Variants in FBLN2 observed in about 807,000 individuals in gnomAD.
FBLN2 encodes fibulin 2.
Under a neutral mutation model 123.7 loss-of-function variants are expected in FBLN2, and 81 were observed. The observed-to-expected ratio is 0.65, with a 90% confidence interval of 0.55 to 0.79. The LOEUF is 0.79. FBLN2 is among the 30% of genes least tolerant of loss of function. The pLI, the probability that FBLN2 is intolerant of heterozygous loss-of-function variation, is 0.00. For missense variants in FBLN2, 1,603 were observed against 1,681.3 expected (o/e 0.95, Z 0.81); for synonymous variants, 699 against 701.4 (o/e 1.00, Z 0.05).
intron 2 of FBLN2, among the ~76,000 whole-genome samples, chr3:13,581,783 T>C (rs2124841835): frequency 6.6e-6 from 1 of 152,292 alleles, no homozygotes; most frequent in South Asian, 2.1e-4. Flanking sequence ...GTTCCCATAG[T>C]GACCCTACAG....
chr3:13,619,955 A>G (rs1705789735), intron 8 of FBLN2, 124 bp downstream of exon 8: 1 of 668,534 alleles, frequency 1.5e-6, no homozygotes, highest in Non-Finnish European at 2.5e-6. Flanking sequence ...CTTGGCTGCT[A>G]TGATGAGCAC....
At position 13,617,729 on chromosome 3, in the gene FBLN2, A is replaced by AC. The variant is rs1183506141; in HGVS notation, c.1730-339dup. Among the ~76,000 whole-genome samples the AC allele has an allele frequency of 1.1e-3, 16 of 13,938 alleles. 1 individual carries two copies. The highest frequency in any genetic ancestry group is 6.5e-3 in the East Asian group (2 of 310). The allele number at this position is 13,938 out of a possible 152,430, so 9.1% of individuals were successfully genotyped here. A position where few individuals can be genotyped will look rare whatever the true frequency, so the allele number is the denominator to read the frequency against. Reference sequence around the variant, plus strand: ...CATCCATCCATCCATCCATTCATCCACCCCCCCCACCCCCCCACCCATTCA... The same window carrying AC: ...CATCCATCCATCCATCCATTCATCCACCCCCCCCCACCCCCCCACCCATTCA... On this transcript the variant is annotated intron_variant, in intron 5 of 17. Transcript: ENST00000404922.
intron 2 of FBLN2, among the ~76,000 whole-genome samples, chr3:13,603,001 C>T (rs1170681169): frequency 2.6e-5 from 4 of 151,572 alleles, no homozygotes; most frequent in African/African-American, 9.7e-5. Flanking sequence ...ACCTCCGCCT[C>T]CTGGGTTCAA....
Position 13,571,039 on chromosome 3 carries a change from C to A in FBLN2, c.684C>A (p.Pro228=). Residue 228 remains proline (P), a synonymous_variant, in exon 2 of 18, where the codon CCC becomes CCA. Transcript: ENST00000404922. ...CAGTCCAGGCAGGCGCAGGGGGCCCCCCAGCTGCTCTGGGAGGTGGGAGTC... is the reference window on the plus strand; with the variant it reads ...CAGTCCAGGCAGGCGCAGGGGGCCCACCAGCTGCTCTGGGAGGTGGGAGTC... The part of the protein sequence containing the change: ...AGAVQAGAGG[P]PAALGGGSQP... 2.5e-6 allele frequency: 4 copies of A among 1,569,082 alleles called. No homozygotes were observed. Among genetic ancestry groups the A allele is most frequent in the Non-Finnish European group, 2.6e-6 (3 of 1,157,956 alleles).
chr3:13,577,133 G>A (rs549353113), intron 2 of FBLN2, among the ~76,000 whole-genome samples: 2 of 150,980 alleles, frequency 1.3e-5, no homozygotes, highest in South Asian at 4.2e-4. Context: ...TGAGGCAGGA[G>A]AATCGCTTGA....
chr3:13,612,785 A>C (rs1705449924), intron 4 of FBLN2, among the ~76,000 whole-genome samples: 1 of 152,162 alleles, frequency 6.6e-6, no homozygotes, highest in African/African-American at 2.4e-5. Context: ...ACTAAGTGTT[A>C]AGTATGTGAT....
chr3:13,629,554 C>T (rs1389730160), intron 13 of FBLN2, among the ~76,000 whole-genome samples: 8 of 152,022 alleles, frequency 5.3e-5, no homozygotes, highest in African/African-American at 1.7e-4. Context: ...CTGCTTCCCT[C>T]GGTCTCTGTC....
intron 1 of FBLN2, among the ~76,000 whole-genome samples, chr3:13,557,963 G>A (rs992770466): frequency 3.3e-5 from 5 of 152,216 alleles, no homozygotes; most frequent in African/African-American, 1.2e-4. Context: ...TGCCTTGGGG[G>A]CCTCCAAGGC....
chr3:13,576,042 GC>G (rs982181355), intron 2 of FBLN2, among the ~76,000 whole-genome samples: 2 of 152,268 alleles, frequency 1.3e-5, no homozygotes, highest in African/African-American at 4.8e-5. Context: ...CCCACCGTAA[GC>G]AGGCTGGAAG....
In FBLN2 at chr3:13,626,460, TGACG is replaced by T. The variant is rs1443381638; in HGVS notation, c.2316_2319del (p.Asp773CysfsTer11). The stretch of plus-strand genomic sequence containing the variant: ...CTCCCTGCAGACATCAACGAGTGTG[TGACG>T]GACCTGCACACGTGCAGCCGGGGCG... On this transcript the variant is annotated frameshift_variant, in exon 10 of 18. Coordinates refer to ENST00000404922, the MANE Select transcript of FBLN2 (RefSeq NM_001004019.2). LOFTEE classifies it high-confidence loss of function. The T allele has an allele frequency of 3.2e-6, 5 of 1,584,236 alleles. No individual in the cohort carries two copies. Among genetic ancestry groups the T allele is most frequent in the Non-Finnish European group, 4.3e-6 (5 of 1,164,710 alleles).
At position 13,626,575 on chromosome 3, in the gene FBLN2, C is replaced by G; in HGVS notation, c.2427C>G (p.Cys809Trp). The G allele has an allele frequency of 6.5e-7, 1 of 1,545,748 alleles. No homozygotes were observed. The highest frequency in any genetic ancestry group is 8.7e-7 in the Non-Finnish European group (1 of 1,143,088). The change falls in exon 10 of 18, where the codon TGC becomes TGG. Residue 809 changes from cysteine (C) to tryptophan (W), a missense_variant. Cys to Trp is a radical substitution (Grantham distance 215). Coordinates refer to ENST00000404922, the MANE Select transcript of FBLN2 (RefSeq NM_001004019.2). ...EPGYALKDGE[C>W]EDVDECAMGT... ...GCTATGCCCTCAAGGATGGCGAGTG[C>G]GAAGGTGAGAAGGGCCCAGAAGGAC... is the stretch of plus-strand genomic sequence containing the variant.
intron 2 of FBLN2, among the ~76,000 whole-genome samples, chr3:13,599,509 G>T (rs571129352): frequency 9.9e-5 from 15 of 152,268 alleles, no homozygotes; most frequent in African/African-American, 3.4e-4. Context: ...GAGACCACGG[G>T]GGGTCATAGG....
intron 9 of FBLN2, among the ~76,000 whole-genome samples, chr3:13,622,263 C>A (rs1705880127): frequency 6.6e-6 from 1 of 152,196 alleles, no homozygotes; most frequent in African/African-American, 2.4e-5. Context: ...GGAGGCCTAG[C>A]CAAGCAGGAC....
In FBLN2 at chr3:13,609,598, T is replaced by C; in HGVS notation, c.1504T>C (p.Cys502Arg). ...GVLGAKEGET[C>R]GAEDNDSCGI... ...CCTGGGAGCCAAGGAGGGTGAGACC[T>C]GTGGGGCTGAGGACAACGACAGCTG... The change falls in exon 4 of 18, where the codon TGT becomes CGT. Residue 502 changes from cysteine (C) to arginine (R), a missense_variant. By Grantham distance (180) the Cys-to-Arg change is radical (BLOSUM62 -3). Transcript: ENST00000404922. 7.2e-7 allele frequency: 1 copy of C among 1,396,562 alleles called. No homozygotes were observed. Among genetic ancestry groups the C allele is most frequent in the Middle Eastern group, 2.3e-4 (1 of 4,338 alleles). 86.5% of individuals were successfully genotyped at this position (1,396,562 alleles called of 1,614,324 possible).
At chr3:13,569,161 G>C (rs1703840112) in intron 1 of FBLN2, 2 of 581,090 alleles carry the variant, frequency 3.4e-6, no homozygotes, top group Non-Finnish European at 4.3e-6. Flanking sequence ...CATGAGGACT[G>C]GTGAGAAGGT....
At chr3:13,571,897 G>A (rs975147382) in intron 2 of FBLN2, among the ~76,000 whole-genome samples, 2 of 152,156 alleles carry the variant, frequency 1.3e-5, no homozygotes, top group Admixed American at 6.5e-5. Context: ...TGTGGGAGGT[G>A]CTGGGCCCCC....
At chr3:13,621,671 G>A (rs968332920) in intron 8 of FBLN2, 104 bp from the exon 9 acceptor site, 11 of 1,295,078 alleles carry the variant, frequency 8.5e-6, no homozygotes, top group Non-Finnish European at 1.2e-5. Flanking sequence ...CCCCAGACAG[G>A]CCCCTGCCCC....
chr3:13,594,932 C>T (rs1248641150), intron 2 of FBLN2, among the ~76,000 whole-genome samples: 1 of 152,206 alleles, frequency 6.6e-6, no homozygotes, highest in Non-Finnish European at 1.5e-5. Flanking sequence ...CCGTTCCCTT[C>T]TTTCCTTTCT....
chr3:13,611,719 C>A (rs1053351018), intron 4 of FBLN2, among the ~76,000 whole-genome samples: 2 of 152,178 alleles, frequency 1.3e-5, no homozygotes, highest in Non-Finnish European at 1.5e-5. Context: ...TTGGCTATTG[C>A]GAATAGTAAT....
Sources: gnomAD v4.1 joint callset for allele counts (sites outside exome capture counted in the v4.1 genomes callset) on GRCh38, gnomAD v4.1.1 for gene constraint, MANE v1.5 for transcripts, NCBI Gene and HGNC (gene_info 2026-07-23, HGNC 2026-07-21) for gene names.